The following SPATA17 variants were observed in gnomAD, a reference collection of about 807,000 sequenced individuals.
The protein encoded by SPATA17 is spermatogenesis-associated protein 17.
A neutral mutation model predicts 62.2 loss-of-function variants in SPATA17; 53 were observed. That is an observed-to-expected ratio of 0.85 (90% CI 0.68 to 1.07). SPATA17 has a LOEUF of 1.07. SPATA17 is among the 50% of genes least tolerant of loss of function. The pLI is 0.00. For missense variants in SPATA17, 466 were observed against 425.5 expected (o/e 1.10, Z -0.84); for synonymous variants, 146 against 146.8 (o/e 0.99, Z 0.04).
intron 9 of SPATA17, chr1:217,850,486 G>T: frequency 6.7e-7 from 1 of 1,491,024 alleles, no homozygotes; most frequent in Non-Finnish European, 9.3e-7. Context: ...GCCTCTTCTA[G>T]CTGCATGCCT....
intron 9 of SPATA17, among the ~76,000 whole-genome samples, chr1:217,816,224 T>A (rs535678623): frequency 2.0e-5 from 3 of 152,166 alleles, no homozygotes; most frequent in African/African-American, 7.2e-5. Context: ...TATTAAAAAA[T>A]TTTTAATTGA....
intron 1 of SPATA17, among the ~76,000 whole-genome samples, chr1:217,647,216 T>C (rs769622143): frequency 6.6e-6 from 1 of 152,234 alleles, no homozygotes; most frequent in Non-Finnish European, 1.5e-5. Context: ...GCCTGTCTTT[T>C]TCCCATCATC....
At position 217,635,439 on chromosome 1, in the gene SPATA17, C is replaced by T. The variant is rs764232019; in HGVS notation, c.68+3993C>T. On this transcript the variant is annotated intron_variant, in intron 1 of 10. Transcript: ENST00000366933. ...AATTTTCTGGCCAGGCATGGTGGCTCACGCCTATAATCCCAGCACTTTGGG... is the reference window on the plus strand; with the variant it reads ...AATTTTCTGGCCAGGCATGGTGGCTTACGCCTATAATCCCAGCACTTTGGG... Among the ~76,000 whole-genome samples, 4 of 152,186 alleles carry T rather than the reference C, an allele frequency of 2.6e-5. No homozygotes were observed. The East Asian group carries it at 5.8e-4, about 22-fold the overall frequency.
chr1:217,796,082 G>A (rs949543293), intron 8 of SPATA17, among the ~76,000 whole-genome samples: 40 of 152,124 alleles, frequency 2.6e-4, no homozygotes, highest in African/African-American at 9.4e-4. Context: ...ACAGGCGTGA[G>A]AAGTTTATGT....
intron 1 of SPATA17, among the ~76,000 whole-genome samples, chr1:217,634,331 T>G (rs547209494): frequency 2.0e-5 from 3 of 152,286 alleles, no homozygotes; most frequent in African/African-American, 7.2e-5. Flanking sequence ...TTTTTAAGTA[T>G]GATTTGATGG....
At position 217,648,961 on chromosome 1, in the gene SPATA17, G is replaced by T. The variant is rs751177918; in HGVS notation, c.148G>T (p.Ala50Ser). The T allele has an allele frequency of 5.0e-6, 8 of 1,608,046 alleles. No homozygotes were observed. Among genetic ancestry groups the T allele is most frequent in the Non-Finnish European group, 6.8e-6 (8 of 1,177,264 alleles). ...QSWFRGCQVR[A>S]YIRHLNRIVT... ...CTGGTTTCGAGGATGTCAAGTTCGG[G>T]CATATATCAGGTATATTGCTTTTGT... The change falls in exon 2 of 11, where the codon GCA (alanine) becomes TCA (serine). Residue 50 changes from alanine to serine, a missense_variant. Physicochemically the swap from Ala to Ser is moderately conservative, Grantham distance 99. Transcript: ENST00000366933.
At chr1:217,860,156 C>T (rs183570159) in intron 9 of SPATA17, among the ~76,000 whole-genome samples, 5 of 151,950 alleles carry the variant, frequency 3.3e-5, no homozygotes, top group African/African-American at 1.2e-4. Context: ...TTCCTTTGAC[C>T]CATGTGTTAT....
chr1:217,792,935 A>G (rs1430727390), intron 8 of SPATA17, among the ~76,000 whole-genome samples: 3 of 152,134 alleles, frequency 2.0e-5, no homozygotes, highest in Non-Finnish European at 4.4e-5. Context: ...ATATATAAGA[A>G]GCATTGCAAA....
intron 6 of SPATA17, among the ~76,000 whole-genome samples, chr1:217,762,738 G>A (rs1243520460): frequency 3.3e-5 from 5 of 152,176 alleles, no homozygotes; most frequent in Non-Finnish European, 7.3e-5. Context: ...TTGGGACGCC[G>A]AGGCAGGCAG....
At chr1:217,768,036 G>A (rs1049896039) in intron 6 of SPATA17, among the ~76,000 whole-genome samples, 1 of 152,046 alleles carries the variant, frequency 6.6e-6, no homozygotes, top group Non-Finnish European at 1.5e-5. Context: ...CACGAGGTCA[G>A]GAGATCGAGA....
In SPATA17 at chr1:217,739,228, G is replaced by C. The variant is rs138331027; in HGVS notation, c.396-2747G>C. On this transcript the variant is annotated intron_variant, in intron 5 of 10. Transcript: ENST00000366933. ...ATTCAAGTTTCTTTATATGGTAGAA[G>C]ACAGGATTATAAGATAAAGGAAATA... Among the ~76,000 whole-genome samples, 223 of 152,246 alleles carry C rather than the reference G, an allele frequency of 1.5e-3. 1 individual carries two copies. Among genetic ancestry groups the C allele is most frequent in the African/African-American group, 4.8e-3 (199 of 41,554 alleles).
At chr1:217,850,197 A>G (rs1041203673) in intron 9 of SPATA17, among the ~76,000 whole-genome samples, 4 of 152,188 alleles carry the variant, frequency 2.6e-5, no homozygotes, top group African/African-American at 9.6e-5. Flanking sequence ...TACAACTTTT[A>G]TAGAAGGACT....
chr1:217,673,896 C>G lies in SPATA17; in HGVS notation c.291+4813C>G, dbSNP rs746762293. Among the ~76,000 whole-genome samples, 5 of 152,150 alleles carry G rather than the reference C, an allele frequency of 3.3e-5. No homozygotes were observed. In the East Asian group the frequency reaches 7.7e-4, roughly 23 times the overall value. ...AAAGTCTATTTCTTGTCCCTTTTTC[C>G]CATTACCTTGATTCATAGTTTTCAA... is the stretch of plus-strand genomic sequence containing the variant. On this transcript the variant is annotated intron_variant, in intron 4 of 10. Transcript: ENST00000366933.
chr1:217,788,516 G>A (rs959701149), intron 8 of SPATA17, among the ~76,000 whole-genome samples: 1 of 152,082 alleles, frequency 6.6e-6, no homozygotes, highest in African/African-American at 2.4e-5. Context: ...TCAGAGTGCG[G>A]CCAGTTTTGT....
chr1:217,669,021 C>A lies in SPATA17; in HGVS notation c.241-12C>A, dbSNP rs1371507024. ...ACTGAAATGCATGCCATCTTTTTTT[C>A]TTGATTCACAGGTAGCATATTATAC... On this transcript the variant is annotated splice_polypyrimidine_tract_variant and intron_variant, in intron 3 of 10. Transcript: ENST00000366933. 1.2e-6 allele frequency: 2 copies of A among 1,608,078 alleles called. 1 individual carries two copies. The highest frequency in any genetic ancestry group is 2.2e-5 in the South Asian group (2 of 89,770).
chr1:217,786,937 G>T (rs548474938), intron 8 of SPATA17, among the ~76,000 whole-genome samples: 3 of 151,916 alleles, frequency 2.0e-5, no homozygotes, highest in Non-Finnish European at 4.4e-5. Context: ...ATTTTCAACT[G>T]CCATCTTTGT....
chr1:217,820,796 C>T (rs1158175), intron 9 of SPATA17, among the ~76,000 whole-genome samples: 120,828 of 151,936 alleles, frequency 0.8, 48,495 homozygotes, highest in Admixed American at 0.83. Context: ...ACCATGAAAG[C>T]AGATTGTCTT....
chr1:217,642,105 ATCT>A (rs981660941), intron 1 of SPATA17, among the ~76,000 whole-genome samples: 2 of 152,134 alleles, frequency 1.3e-5, no homozygotes, highest in African/African-American at 4.8e-5. Context: ...TGATACTGTG[ATCT>A]TCTCAATGCA....
At chr1:217,787,981 A>G (rs1673910188) in intron 8 of SPATA17, among the ~76,000 whole-genome samples, 1 of 152,206 alleles carries the variant, frequency 6.6e-6, no homozygotes, top group Non-Finnish European at 1.5e-5. Flanking sequence ...AAATGGGACC[A>G]TGAAAGTTGC....
Sources: allele counts gnomAD v4.1 joint callset (sites outside exome capture counted in the v4.1 genomes callset), GRCh38; gene constraint gnomAD v4.1.1; transcripts MANE v1.5; gene names NCBI Gene and HGNC (gene_info 2026-07-23, HGNC 2026-07-21).